Variants in CEP97 observed in about 807,000 individuals in gnomAD.
CEP97 encodes centrosomal protein 97, also known as centrosomal protein of 97 kDa.
A neutral mutation model predicts 73.1 loss-of-function variants in CEP97; 43 were observed. The observed-to-expected ratio is 0.59, with a 90% confidence interval of 0.46 to 0.76. CEP97 has a LOEUF of 0.76. Among genes scored for constraint, CEP97 ranks in the 30% least tolerant of loss-of-function variants. The pLI, the probability that CEP97 is intolerant of heterozygous loss-of-function variation, is 0.00. For synonymous variants in CEP97, 337 were observed against 370.0 expected, an observed-to-expected ratio of 0.91 and a Z score of 1.02; for missense variants, 939 against 1,014.0, an observed-to-expected ratio of 0.93 and a Z score of 1.00.
chr3:101,732,975 T>C (rs78922273), intron 6 of CEP97, among the ~76,000 whole-genome samples: 9 of 150,536 alleles, frequency 6.0e-5, no homozygotes, highest in East Asian at 1.9e-4. Flanking sequence ...AAAAAAAAAT[T>C]AGCTGGGTGT....
At chr3:101,732,335 T>G (rs1938138799) in intron 5 of CEP97, among the ~76,000 whole-genome samples, 153 bp from the exon 6 acceptor site, 1 of 152,198 alleles carries the variant, frequency 6.6e-6, no homozygotes, top group Admixed American at 6.5e-5. Context: ...GCTATATTGT[T>G]GAAACTTTGG....
At chr3:101,761,154 A>C (rs574270517) in intron 9 of CEP97, among the ~76,000 whole-genome samples, 60 of 152,272 alleles carry the variant, frequency 3.9e-4, no homozygotes, top group Admixed American at 3.9e-3. Context: ...GGTGTGAGCC[A>C]CTGTGCCCAG....
At chr3:101,755,668 T>A in intron 7 of CEP97, 74 bp downstream of exon 7, 1 of 1,470,214 alleles carries the variant, frequency 6.8e-7, no homozygotes, top group Non-Finnish European at 9.4e-7. Context: ...ATGGTGATAG[T>A]AAGCCTGAGG....
rs1939363884 is a variant in CEP97 at position 101,768,116 on chromosome 3, A to G, written c.*2565A>G. 6.6e-6 allele frequency: 1 copy of G among 152,162 alleles called. No homozygotes were observed. The highest frequency in any genetic ancestry group is 2.4e-5 in the African/African-American group (1 of 41,444). 9.4% of individuals were successfully genotyped at this position (152,162 alleles called of 1,614,324 possible). A position where few individuals can be genotyped will look rare whatever the true frequency, so the allele number is the denominator to read the frequency against. On this transcript the variant is annotated 3_prime_UTR_variant, in exon 11 of 11. Transcript: ENST00000341893. Reference sequence around the variant, plus strand: ...AGTTCTCTTGATTTATGGAAGATTCAGTTTATCAATTAAGAATTCCTGCAG... The same window carrying G: ...AGTTCTCTTGATTTATGGAAGATTCGGTTTATCAATTAAGAATTCCTGCAG...
intron 6 of CEP97, among the ~76,000 whole-genome samples, chr3:101,748,982 ACT>A (rs1330239594): frequency 2.0e-5 from 3 of 151,976 alleles, no homozygotes; most frequent in Non-Finnish European, 1.5e-5. Context: ...AATAAACTAA[ACT>A]TTTTTGGTTA....
At chr3:101,744,111 A>C (rs957887993) in intron 6 of CEP97, among the ~76,000 whole-genome samples, 1 of 152,154 alleles carries the variant, frequency 6.6e-6, no homozygotes, top group Admixed American at 6.6e-5. Context: ...AAAAACTAGA[A>C]GTATCTACTG....
At position 101,755,530 on chromosome 3, in the gene CEP97, A is replaced by T. The variant is rs776825736; in HGVS notation, c.829A>T (p.Thr277Ser). 1.9e-5 allele frequency: 30 copies of T among 1,613,998 alleles called. No individual in the cohort carries two copies. Among genetic ancestry groups the T allele is most frequent in the Non-Finnish European group, 2.4e-5 (28 of 1,180,040 alleles). The change falls in exon 7 of 11, where the codon ACT becomes TCT. Residue 277 changes from threonine (T) to serine (S), a missense_variant. Physicochemically the swap from Thr to Ser is moderately conservative, Grantham distance 58. Transcript: ENST00000341893. ...ATATCTGGCTACAGTCTGCCCCCTC[A>T]CTTCTACACTAGGTCTTCAAACTGC... The part of the protein sequence containing the change: ...VQYLATVCPL[T>S]STLGLQTAED...
chr3:101,746,300 A>T (rs984565621), intron 6 of CEP97, among the ~76,000 whole-genome samples: 1 of 152,198 alleles, frequency 6.6e-6, no homozygotes, highest in Non-Finnish European at 1.5e-5. Context: ...ACAGTAACCA[A>T]AACAGCATGG....
chr3:101,764,010 C>T (rs535550330), intron 10 of CEP97, among the ~76,000 whole-genome samples: 22 of 152,170 alleles, frequency 1.4e-4, no homozygotes, highest in Non-Finnish European at 2.8e-4. Flanking sequence ...CATTCCCACT[C>T]CTGGTGAGGG....
In CEP97 at chr3:101,765,388, T is replaced by C; in HGVS notation, c.2435T>C (p.Leu812Ser). ...TGTTTCCCAGTACAGTTAGATACATTGTCTGACGGTGCTTCTGTAGATGAG... is the reference window on the plus strand; with the variant it reads ...TGTTTCCCAGTACAGTTAGATACATCGTCTGACGGTGCTTCTGTAGATGAG... ...IACFPVQLDT[L>S]SDGASVDESH... Residue 812 changes from leucine to serine, a missense_variant, in exon 11 of 11, where the codon TTG (leucine) becomes TCG (serine). Transcript: ENST00000341893. 1 of 1,614,170 alleles carries C rather than the reference T, an allele frequency of 6.2e-7. No individual in the cohort carries two copies. The highest frequency in any genetic ancestry group is 8.5e-7 in the Non-Finnish European group (1 of 1,180,026).
intron 5 of CEP97, 29 bp downstream of exon 5, chr3:101,731,982 C>T (rs1434037477): frequency 1.6e-6 from 2 of 1,287,478 alleles, no homozygotes; most frequent in Non-Finnish European, 2.3e-6. Flanking sequence ...TTGTGAGATT[C>T]AGGAAGCTGG....
intron 10 of CEP97, among the ~76,000 whole-genome samples, chr3:101,763,687 G>A (rs564919846): frequency 3.3e-4 from 50 of 152,206 alleles, no homozygotes; most frequent in African/African-American, 1.2e-3. Context: ...TTAGAAATTA[G>A]GGGTCATATT....
At chr3:101,751,803 T>C (rs1938832831) in intron 6 of CEP97, among the ~76,000 whole-genome samples, 1 of 152,282 alleles carries the variant, frequency 6.6e-6, no homozygotes, top group South Asian at 2.1e-4. Context: ...AGCCTATGTG[T>C]GTCTCTGCAC....
chr3:101,728,958 A>G, intron 4 of CEP97, 21 bp downstream of exon 4: 1 of 1,335,174 alleles, frequency 7.5e-7, no homozygotes, highest in South Asian at 1.2e-5. Flanking sequence ...TTTCTTTGTC[A>G]TTTGTGAAGT....
At chr3:101,758,558 C>A in intron 9 of CEP97, 135 bp downstream of exon 9, 1 of 1,082,730 alleles carries the variant, frequency 9.2e-7, no homozygotes, top group African/African-American at 1.6e-5. Context: ...TTGGTTGTCT[C>A]CTACAGTGTA....
At chr3:101,752,912 T>G (rs1469443197) in intron 6 of CEP97, among the ~76,000 whole-genome samples, 1 of 152,236 alleles carries the variant, frequency 6.6e-6, no homozygotes, top group Non-Finnish European at 1.5e-5. Flanking sequence ...TCATTCTCCG[T>G]CCAGCTTTGT....
chr3:101,727,286 A>G, intron 2 of CEP97, 97 bp from the exon 3 acceptor site: 1 of 920,346 alleles, frequency 1.1e-6, no homozygotes. Context: ...TTTGTTTGAG[A>G]GTGTTTGGCT....
intron 1 of CEP97, among the ~76,000 whole-genome samples, chr3:101,726,279 A>G (rs969727166): frequency 1.3e-5 from 2 of 152,242 alleles, no homozygotes; most frequent in African/African-American, 2.4e-5. Flanking sequence ...TTTAAACAAT[A>G]GTATCATTAC....
chr3:101,734,645 C>T (rs1481644824), intron 6 of CEP97, among the ~76,000 whole-genome samples: 1 of 152,168 alleles, frequency 6.6e-6, no homozygotes, highest in African/African-American at 2.4e-5. Context: ...TCTAGTTTGC[C>T]TACAGGAAAG....
Sources: allele counts gnomAD v4.1 joint callset (sites outside exome capture counted in the v4.1 genomes callset), GRCh38; gene constraint gnomAD v4.1.1; transcripts MANE v1.5; gene names NCBI Gene and HGNC (gene_info 2026-07-23, HGNC 2026-07-21).